The following UNC13C variants were observed in gnomAD, a reference collection of about 807,000 sequenced individuals.
UNC13C encodes protein unc-13 homolog C.
A neutral mutation model predicts 245.4 loss-of-function variants in UNC13C; 174 were observed. The ratio of observed to expected loss-of-function variants is 0.71; its 90% CI spans 0.63 to 0.80. The LOEUF (loss-of-function observed/expected upper bound fraction) is 0.80, where lower values mean the gene tolerates loss of function less well. UNC13C is among the 30% of genes least tolerant of loss of function. The probability of loss-of-function intolerance (pLI) is 0.00; values close to 1 mark genes in which losing one functional copy is unlikely to be tolerated. For missense variants in UNC13C, 2,829 were observed against 2,602.9 expected (o/e 1.09, Z -1.89); for synonymous variants, 992 against 895.1 (o/e 1.11, Z -1.93).
intron 18 of UNC13C, among the ~76,000 whole-genome samples, chr15:54,398,320 A>T (rs188994953): frequency 6.7e-4 from 101 of 151,512 alleles, no homozygotes; most frequent in African/African-American, 2.4e-3. Context: ...CTTGATGTAT[A>T]ATCTTTCCTA....
the UNC13C span, among the ~76,000 whole-genome samples, chr15:53,843,939 AGAG>A: frequency 6.6e-6 from 1 of 152,342 alleles, no homozygotes; most frequent in African/African-American, 2.4e-5. Context: ...TCATGGAATA[AGAG>A]GAGAAAAGAA....
intron 17 of UNC13C, among the ~76,000 whole-genome samples, chr15:54,350,957 A>G (rs1291989951): frequency 6.6e-6 from 1 of 152,198 alleles, no homozygotes; most frequent in Non-Finnish European, 1.5e-5. Flanking sequence ...ATTTCACTGA[A>G]GACTATAGTT....
In UNC13C at chr15:54,486,502, A is replaced by G. The variant is rs117235187; in HGVS notation, c.4934-8106A>G. Among the ~76,000 whole-genome samples, 105 of 152,210 alleles carry G rather than the reference A, an allele frequency of 6.9e-4. 2 individuals carry two copies. In the East Asian group the frequency reaches 0.02, roughly 29 times the overall value. On this transcript the variant is annotated intron_variant, in intron 19 of 32. Transcript: ENST00000260323. Reference sequence around the variant, plus strand: ...AAGAACATAGCACCTGGTTCATAGTAGAATAGTCAATAAATATATGTTGTA... The same window carrying G: ...AAGAACATAGCACCTGGTTCATAGTGGAATAGTCAATAAATATATGTTGTA...
chr15:53,884,475 A>G, the UNC13C span, among the ~76,000 whole-genome samples: 3 of 152,048 alleles, frequency 2.0e-5, no homozygotes, highest in African/African-American at 7.2e-5. Context: ...CTACTGGTGC[A>G]TGCCACCGTG....
At chr15:54,333,713 C>A in intron 15 of UNC13C, 54 bp from the exon 16 acceptor site, 1 of 1,164,146 alleles carries the variant, frequency 8.6e-7, no homozygotes, top group Non-Finnish European at 1.2e-6. Flanking sequence ...GTTTATTTTC[C>A]CACTAGAAGT....
chr15:54,330,703 G>A (rs1169829626), intron 14 of UNC13C, among the ~76,000 whole-genome samples: 1 of 152,066 alleles, frequency 6.6e-6, no homozygotes, highest in Non-Finnish European at 1.5e-5. Flanking sequence ...CAACCCAAAT[G>A]CATGGAAGTT....
At chr15:54,424,404 T>C (rs2040715519) in intron 19 of UNC13C, among the ~76,000 whole-genome samples, 1 of 151,784 alleles carries the variant, frequency 6.6e-6, no homozygotes, top group South Asian at 2.1e-4. Flanking sequence ...TTTTTTTTGT[T>C]TGTTTGTTTT....
intron 29 of UNC13C, 114 bp downstream of exon 29, chr15:54,555,626 G>A: frequency 1.3e-6 from 1 of 756,834 alleles, no homozygotes. Flanking sequence ...CAAAGAGATA[G>A]TAGATAGTTG....
At chr15:54,370,295 C>G (rs2039460421) in intron 17 of UNC13C, among the ~76,000 whole-genome samples, 1 of 152,064 alleles carries the variant, frequency 6.6e-6, no homozygotes, top group Non-Finnish European at 1.5e-5. Context: ...TTAAGAACAG[C>G]AAGGCCCTAG....
chr15:53,966,651 C>CT, the UNC13C span, among the ~76,000 whole-genome samples: 24 of 150,962 alleles, frequency 1.6e-4, no homozygotes, highest in African/African-American at 4.1e-4. Flanking sequence ...ATGACTTAAT[C>CT]TTTTTTTTTG....
chr15:54,257,396 A>T (rs1298880898), intron 8 of UNC13C, among the ~76,000 whole-genome samples: 2 of 152,250 alleles, frequency 1.3e-5, no homozygotes, highest in Non-Finnish European at 2.9e-5. Flanking sequence ...TTATGCGAGC[A>T]CATTCCTGAT....
chr15:54,276,546 T>G (rs1048153888), intron 10 of UNC13C, among the ~76,000 whole-genome samples: 28 of 152,148 alleles, frequency 1.8e-4, no homozygotes, highest in Non-Finnish European at 2.9e-5. Context: ...CAGTATCATG[T>G]GCATTTACAT....
chr15:54,214,082 T>C (rs1280248637), intron 4 of UNC13C, among the ~76,000 whole-genome samples: 1 of 152,024 alleles, frequency 6.6e-6, no homozygotes. Flanking sequence ...ACCCATTCCC[T>C]AATTGGCAGT....
chr15:54,529,510 G>C (rs1413691643), intron 25 of UNC13C, among the ~76,000 whole-genome samples: 3 of 152,130 alleles, frequency 2.0e-5, no homozygotes, highest in East Asian at 3.9e-4. Context: ...CACTGTGCCT[G>C]TTCTGTTCAT....
intron 30 of UNC13C, among the ~76,000 whole-genome samples, chr15:54,602,771 T>C (rs1205918952): frequency 1.3e-5 from 2 of 152,202 alleles, no homozygotes; most frequent in Non-Finnish European, 2.9e-5. Context: ...GACTTTTCAT[T>C]GTAATCAATT....
chr15:54,270,445 C>A (rs534601738), intron 10 of UNC13C, among the ~76,000 whole-genome samples: 5 of 152,196 alleles, frequency 3.3e-5, no homozygotes, highest in African/African-American at 7.2e-5. Context: ...ACATACCTCA[C>A]AGAATTGTTG....
chr15:54,121,686 A>T (rs139843664), intron 2 of UNC13C, among the ~76,000 whole-genome samples: 5 of 152,158 alleles, frequency 3.3e-5, no homozygotes, highest in African/African-American at 1.2e-4. Context: ...TCTTTCAAAA[A>T]AATCTTATCG....
At chr15:54,253,476 T>G (rs2036204430) in intron 8 of UNC13C, among the ~76,000 whole-genome samples, 5 of 152,150 alleles carry the variant, frequency 3.3e-5, no homozygotes, top group Admixed American at 3.3e-4. Context: ...GGGAGAACAA[T>G]GAGAAAAGAG....
chr15:54,002,159 A>G (rs545683089), intron 1 of UNC13C, among the ~76,000 whole-genome samples: 1 of 152,162 alleles, frequency 6.6e-6, no homozygotes, highest in Non-Finnish European at 1.5e-5. Context: ...GGTGGCGGGC[A>G]CCTGTAGTCC....
Sources: allele counts gnomAD v4.1 joint callset (sites outside exome capture counted in the v4.1 genomes callset), GRCh38; gene constraint gnomAD v4.1.1; transcripts MANE v1.5; gene names NCBI Gene and HGNC (gene_info 2026-07-23, HGNC 2026-07-21).